The following NXPE2 variants were observed in gnomAD, a reference collection of about 807,000 sequenced individuals.
NXPE2 encodes neurexophilin and PC-esterase domain family member 2.
Under a neutral mutation model 34.4 loss-of-function variants are expected in NXPE2, and 34 were observed. The ratio of observed to expected loss-of-function variants is 0.99; its 90% confidence interval spans 0.75 to 1.31. The LOEUF is 1.31. Among genes scored for constraint, NXPE2 ranks in the 40% most tolerant of loss-of-function variants. The probability of loss-of-function intolerance (pLI) is 0.00; values close to 1 mark genes in which losing one functional copy is unlikely to be tolerated. For synonymous variants in NXPE2, 235 were observed against 231.3 expected (o/e 1.02, Z -0.15); for missense variants, 649 against 672.5 (o/e 0.97, Z 0.39).
the NXPE2 span, among the ~76,000 whole-genome samples, chr11:114,493,141 CT>C: frequency 6.6e-6 from 1 of 152,016 alleles, no homozygotes; most frequent in African/African-American, 2.4e-5. Context: ...TACTTAAAAA[CT>C]TTTTTGGTTT....
At chr11:114,530,516 G>C in the NXPE2 span, 12 of 1,613,814 alleles carry the variant, frequency 7.4e-6, no homozygotes, top group Non-Finnish European at 1.0e-5. Flanking sequence ...AGCTGACCAG[G>C]TAGGTGCCAT....
At chr11:114,573,606 T>C in the NXPE2 span, among the ~76,000 whole-genome samples, 1 of 151,892 alleles carries the variant, frequency 6.6e-6, no homozygotes, top group African/African-American at 2.4e-5. Context: ...GCAACAGCAG[T>C]TTAAAAAGAC....
At chr11:114,731,158 G>A in the NXPE2 span, among the ~76,000 whole-genome samples, 1 of 151,932 alleles carries the variant, frequency 6.6e-6, no homozygotes, top group Non-Finnish European at 1.5e-5. Flanking sequence ...ATGAACATAA[G>A]GTTTTTGTTT....
chr11:114,581,283 G>T, the NXPE2 span, among the ~76,000 whole-genome samples: 1 of 152,106 alleles, frequency 6.6e-6, no homozygotes, highest in Non-Finnish European at 1.5e-5. Flanking sequence ...TTGTTTGAAA[G>T]GTGGCAAAGA....
the NXPE2 span, among the ~76,000 whole-genome samples, chr11:114,648,151 A>C: frequency 6.6e-6 from 1 of 152,112 alleles, no homozygotes; most frequent in Non-Finnish European, 1.5e-5. Context: ...GCCTATTTAT[A>C]ATGAGCCCTT....
the NXPE2 span, among the ~76,000 whole-genome samples, chr11:114,627,017 T>C: frequency 5.9e-5 from 9 of 151,592 alleles, no homozygotes; most frequent in Non-Finnish European, 8.8e-5. Context: ...TATGGGACTA[T>C]GTGACAAGAC....
At chr11:114,584,475 C>T in the NXPE2 span, 1 of 186,306 alleles carries the variant, frequency 5.4e-6, no homozygotes, top group Non-Finnish European at 1.1e-5. Context: ...CATCTCCATC[C>T]GTTTCTCTGA....
At chr11:114,809,380 A>G in the NXPE2 span, among the ~76,000 whole-genome samples, 5 of 151,884 alleles carry the variant, frequency 3.3e-5, no homozygotes, top group African/African-American at 1.2e-4. Flanking sequence ...AGGGTATTCA[A>G]TTAGGAAAAG....
At chr11:114,488,522 T>C in the NXPE2 span, among the ~76,000 whole-genome samples, 1 of 152,202 alleles carries the variant, frequency 6.6e-6, no homozygotes, top group Non-Finnish European at 1.5e-5. Context: ...CAGACCACAG[T>C]GCAATCAAAC....
the NXPE2 span, among the ~76,000 whole-genome samples, chr11:114,586,328 T>C: frequency 4.6e-5 from 7 of 152,124 alleles, no homozygotes; most frequent in Non-Finnish European, 5.9e-5. Flanking sequence ...AGATGAAAAA[T>C]GCCATTTCAT....
the NXPE2 span, among the ~76,000 whole-genome samples, chr11:114,733,334 C>T: frequency 5.3e-5 from 8 of 152,330 alleles, no homozygotes; most frequent in African/African-American, 1.9e-4. Context: ...ACCTCGTGAT[C>T]TGCCCGCCTT....
chr11:114,804,865 A>G, the NXPE2 span, among the ~76,000 whole-genome samples: 1 of 152,196 alleles, frequency 6.6e-6, no homozygotes, highest in African/African-American at 2.4e-5. Context: ...AGAACCACAG[A>G]TCTTGGCAAA....
the NXPE2 span, among the ~76,000 whole-genome samples, chr11:114,725,487 T>A: frequency 6.6e-6 from 1 of 151,682 alleles, no homozygotes; most frequent in Non-Finnish European, 1.5e-5. Context: ...AATACCAGAG[T>A]CATATAAATA....
the NXPE2 span, among the ~76,000 whole-genome samples, chr11:114,812,169 C>T: frequency 3.3e-5 from 5 of 152,166 alleles, no homozygotes; most frequent in Non-Finnish European, 7.3e-5. Context: ...TTAGTCCTAG[C>T]GCCTGGGAGC....
the NXPE2 span, among the ~76,000 whole-genome samples, chr11:114,778,406 T>C: frequency 1.3e-5 from 2 of 152,186 alleles, no homozygotes; most frequent in Non-Finnish European, 2.9e-5. Context: ...AGCAGAGGAA[T>C]GGCATGATGT....
At chr11:114,489,004 C>T in the NXPE2 span, among the ~76,000 whole-genome samples, 2 of 151,864 alleles carry the variant, frequency 1.3e-5, no homozygotes, top group African/African-American at 4.8e-5. Context: ...CAAATAGACG[C>T]AATAAAAAAT....
chr11:114,790,152 G>C, the NXPE2 span, among the ~76,000 whole-genome samples: 1 of 152,154 alleles, frequency 6.6e-6, no homozygotes, highest in African/African-American at 2.4e-5. Context: ...AGCTCATCTT[G>C]ACTCAGGAGT....
the NXPE2 span, among the ~76,000 whole-genome samples, chr11:114,791,794 C>A: frequency 6.6e-6 from 1 of 152,182 alleles, no homozygotes; most frequent in African/African-American, 2.4e-5. Context: ...CGGTGGCTCA[C>A]GCCTGTAATC....
chr11:114,571,012 C>T, the NXPE2 span: 1 of 1,613,236 alleles, frequency 6.2e-7, no homozygotes, highest in Non-Finnish European at 8.5e-7. Context: ...TTATTTGTGC[C>T]ATATGCAATT....
Sources: gnomAD v4.1 joint callset for allele counts (sites outside exome capture counted in the v4.1 genomes callset) on GRCh38, gnomAD v4.1.1 for gene constraint, MANE v1.5 for transcripts, NCBI Gene and HGNC (gene_info 2026-07-23, HGNC 2026-07-21) for gene names.